EGFLAM: variants seen among roughly 807,000 people sequenced by gnomAD.
EGFLAM encodes the protein EGF like, fibronectin type III and laminin G domains, also known as pikachurin.
Under a neutral mutation model 113.1 loss-of-function variants are expected in EGFLAM, and 79 were observed. The ratio of observed to expected loss-of-function variants is 0.70; its 90% CI spans 0.58 to 0.84. The LOEUF (loss-of-function observed/expected upper bound fraction) is 0.84, where lower values mean the gene tolerates loss of function less well. Among genes scored for constraint, EGFLAM ranks in the 40% least tolerant of loss-of-function variants. The pLI, the probability that EGFLAM is intolerant of heterozygous loss-of-function variation, is 0.00. For missense variants in EGFLAM, 1,265 were observed against 1,291.6 expected, an observed-to-expected ratio of 0.98 and a Z score of 0.32; for synonymous variants, 504 against 487.6, an observed-to-expected ratio of 1.03 and a Z score of -0.44.
chr5:38,265,658 G>A (rs1417780122), intron 1 of EGFLAM, among the ~76,000 whole-genome samples: 1 of 152,220 alleles, frequency 6.6e-6, no homozygotes, highest in South Asian at 2.1e-4. Flanking sequence ...TGAAATGAGC[G>A]GGGGTACTTT....
At chr5:38,349,773 G>GCACGCACACA (rs1554049182) in intron 3 of EGFLAM, among the ~76,000 whole-genome samples, 1 of 130,946 alleles carries the variant, frequency 7.6e-6, no homozygotes, top group African/African-American at 2.8e-5. Flanking sequence ...AAGTACACAC[G>GCACGCACACA]CACACACACA....
At chr5:38,424,169 A>G (rs1245002753) in intron 12 of EGFLAM, among the ~76,000 whole-genome samples, 2 of 152,216 alleles carry the variant, frequency 1.3e-5, no homozygotes, top group African/African-American at 4.8e-5. Context: ...AGAAAACACA[A>G]AGAAGCAGAA....
At chr5:38,435,728 G>A (rs1220622675) in intron 16 of EGFLAM, among the ~76,000 whole-genome samples, 1 of 149,898 alleles carries the variant, frequency 6.7e-6, no homozygotes, top group African/African-American at 2.5e-5. Context: ...GCTCTTAAGA[G>A]CATAGATTAA....
At chr5:38,420,822 A>G (rs1288752790) in intron 12 of EGFLAM, among the ~76,000 whole-genome samples, 2 of 152,118 alleles carry the variant, frequency 1.3e-5, no homozygotes, top group South Asian at 2.1e-4. Context: ...TGCGATACCC[A>G]CTTTTCCAGC....
chr5:38,376,998 C>T (rs1028146939), intron 6 of EGFLAM, among the ~76,000 whole-genome samples: 1 of 151,972 alleles, frequency 6.6e-6, no homozygotes, highest in Non-Finnish European at 1.5e-5. Flanking sequence ...AGCCTAATGC[C>T]CTGCTTTATT....
intron 8 of EGFLAM, 135 bp from the exon 9 acceptor site, chr5:38,407,670 A>G (rs1741334419): frequency 1.6e-6 from 1 of 617,322 alleles, no homozygotes; most frequent in Admixed American, 3.2e-5. Context: ...AAAAGTATAG[A>G]AAAGAAGATA....
chr5:38,440,437 A>G lies in EGFLAM; in HGVS notation c.2464+1982A>G, dbSNP rs377422120. Reference sequence around the variant, plus strand: ...ATTTTTCCAGCTCCAGCAGGTACCAATTGTGGGCAGTTGCCATGCCGACTG... The same window carrying G: ...ATTTTTCCAGCTCCAGCAGGTACCAGTTGTGGGCAGTTGCCATGCCGACTG... On this transcript the variant is annotated intron_variant, in intron 17 of 21. Transcript: ENST00000322350. 5.3e-5 allele frequency among the ~76,000 whole-genome samples: 8 copies of G among 152,256 alleles called. No individual in the cohort carries two copies. The South Asian group carries it at 1.2e-3, about 24-fold the overall frequency.
Position 38,261,659 on chromosome 5 carries a change from C to A in EGFLAM, c.97+2808C>A, listed in dbSNP as rs144485981. 5.9e-5 allele frequency among the ~76,000 whole-genome samples: 9 copies of A among 152,214 alleles called. No individual in the cohort carries two copies. The East Asian group carries it at 1.7e-3, about 29-fold the overall frequency. ...AGCTCCCGTGGGTCAGATATTGGAG[C>A]CTAGGTGGAGGCTGCTGTTTTGTGT... On this transcript the variant is annotated intron_variant, in intron 1 of 21. Transcript: ENST00000322350.
rs1757407805 is a variant in EGFLAM, at chr5:38,258,574, C to T, written c.-181C>T. ...AGCCGGCTTCACTCGCGCACGCCGACCTCCCGGCTGCAGTCCTACCTCTTG... is the reference window on the plus strand; with the variant it reads ...AGCCGGCTTCACTCGCGCACGCCGATCTCCCGGCTGCAGTCCTACCTCTTG... On this transcript the variant is annotated 5_prime_UTR_variant, in exon 1 of 22. Transcript: ENST00000322350. The T allele has an allele frequency of 1.5e-6, 1 of 651,564 alleles. No individual in the cohort carries two copies. The highest frequency in any genetic ancestry group is 2.6e-6 in the Non-Finnish European group (1 of 377,720). The allele number at this position is 651,564 out of a possible 1,614,324, so 40.4% of individuals were successfully genotyped here. A position where few individuals can be genotyped will look rare whatever the true frequency, so the allele number is the denominator to read the frequency against.
At chr5:38,403,422 C>G (rs550643572) in intron 6 of EGFLAM, 1 of 155,932 alleles carries the variant, frequency 6.4e-6, no homozygotes, top group South Asian at 2.0e-4. Flanking sequence ...AGATGCACTT[C>G]ATGGCTTCTC....
intron 5 of EGFLAM, among the ~76,000 whole-genome samples, chr5:38,361,253 C>T (rs1739913173): frequency 6.6e-6 from 1 of 152,104 alleles, no homozygotes; most frequent in Non-Finnish European, 1.5e-5. Context: ...TTCAGGACTC[C>T]TCTTTAAGTG....
chr5:38,386,151 T>A (rs1008206652), intron 6 of EGFLAM, among the ~76,000 whole-genome samples: 1 of 152,222 alleles, frequency 6.6e-6, no homozygotes, highest in Non-Finnish European at 1.5e-5. Context: ...GTAAGGATAC[T>A]GAATAAAGTA....
intron 5 of EGFLAM, among the ~76,000 whole-genome samples, chr5:38,369,869 C>G (rs890977670): frequency 1.3e-5 from 2 of 152,176 alleles, no homozygotes; most frequent in Non-Finnish European, 2.9e-5. Flanking sequence ...ATTAGTCACC[C>G]TATAAAACTT....
intron 8 of EGFLAM, among the ~76,000 whole-genome samples, chr5:38,407,458 A>G (rs1329511151): frequency 2.0e-5 from 3 of 152,208 alleles, no homozygotes; most frequent in Non-Finnish European, 4.4e-5. Flanking sequence ...ATACGCAGTT[A>G]AAGCTTATGC....
At chr5:38,313,469 C>T (rs763033599) in intron 1 of EGFLAM, among the ~76,000 whole-genome samples, 3 of 152,150 alleles carry the variant, frequency 2.0e-5, no homozygotes, top group Non-Finnish European at 2.9e-5. Context: ...GATGAACATG[C>T]TCGTGCATAA....
intron 1 of EGFLAM, among the ~76,000 whole-genome samples, chr5:38,319,595 G>T (rs372667634): frequency 6.6e-6 from 1 of 152,180 alleles, no homozygotes; most frequent in African/African-American, 2.4e-5. Flanking sequence ...AGAGAGAGGA[G>T]GTGTGAACAA....
At chr5:38,429,844 A>T in intron 14 of EGFLAM, 1 of 152,662 alleles carries the variant, frequency 6.6e-6, no homozygotes, top group Non-Finnish European at 1.5e-5. Context: ...CTGTCCATCC[A>T]TCCTTCTTAA....
intron 1 of EGFLAM, among the ~76,000 whole-genome samples, chr5:38,314,640 T>A (rs575992907): frequency 1.3e-5 from 2 of 152,370 alleles, no homozygotes; most frequent in African/African-American, 4.8e-5. Flanking sequence ...TTTTCCTCTC[T>A]GACTTAGATT....
intron 11 of EGFLAM, among the ~76,000 whole-genome samples, 178 bp downstream of exon 11, chr5:38,412,826 G>C (rs1486774249): frequency 6.6e-6 from 1 of 152,100 alleles, no homozygotes; most frequent in Non-Finnish European, 1.5e-5. Flanking sequence ...CTACTGAGTG[G>C]TCTTGCACTC....
Sources: allele counts gnomAD v4.1 joint callset (sites outside exome capture counted in the v4.1 genomes callset), GRCh38; gene constraint gnomAD v4.1.1; transcripts MANE v1.5; gene names NCBI Gene and HGNC (gene_info 2026-07-23, HGNC 2026-07-21).